PDE10A: variants seen among roughly 807,000 people sequenced by gnomAD.
PDE10A encodes phosphodiesterase 10A, also known as cAMP and cAMP-inhibited cGMP 3',5'-cyclic phosphodiesterase 10A.
Under a neutral mutation model 97.7 loss-of-function variants are expected in PDE10A, and 39 were observed. That is an observed-to-expected ratio of 0.40 (90% CI 0.31 to 0.52). The LOEUF is 0.52. PDE10A is among the 20% of genes least tolerant of loss of function. The pLI is 0.56. For missense variants in PDE10A, 731 were observed against 1,047.8 expected (o/e 0.70, Z 4.17); for synonymous variants, 371 against 376.8 (o/e 0.98, Z 0.18).
chr6:165,737,012 A>G (rs1188539907), intron 1 of PDE10A, among the ~76,000 whole-genome samples: 1 of 152,210 alleles, frequency 6.6e-6, no homozygotes, highest in Non-Finnish European at 1.5e-5. Flanking sequence ...AAAAACTACT[A>G]TTAAAATTAT....
rs543007014 is a variant in PDE10A, at chr6:165,362,256, T to C, written c.2783+16938A>G. 2.3e-4 allele frequency among the ~76,000 whole-genome samples: 35 copies of C among 152,228 alleles called. No individual in the cohort carries two copies. In the South Asian group the frequency reaches 7.0e-3, roughly 31 times the overall value. ...AATCAATGATACCAAAAGCTGGTTA[T>C]TTGAAAAGATCAACAAAACTGACAA... On this transcript the variant is annotated intron_variant, in intron 18 of 21. Coordinates refer to ENST00000539869, the MANE Select transcript of PDE10A (RefSeq NM_001385079.1).
intron 13 of PDE10A, among the ~76,000 whole-genome samples, chr6:165,411,775 T>C (rs1787861231): frequency 6.6e-6 from 1 of 152,170 alleles, no homozygotes; most frequent in Non-Finnish European, 1.5e-5. Flanking sequence ...ATAGTATCTA[T>C]TTAACAGAGA....
At chr6:165,777,366 C>T (rs1242246433) in intron 1 of PDE10A, among the ~76,000 whole-genome samples, 1 of 152,222 alleles carries the variant, frequency 6.6e-6, no homozygotes, top group Non-Finnish European at 1.5e-5. Flanking sequence ...GTGAATGATT[C>T]TTCTCCGCTT....
At chr6:165,739,582 A>AT (rs997095152) in intron 1 of PDE10A, among the ~76,000 whole-genome samples, 46 of 150,786 alleles carry the variant, frequency 3.1e-4, no homozygotes, top group African/African-American at 5.6e-4. Context: ...CTGGGCTATG[A>AT]TTTTTTTTTT....
Position 165,433,123 on chromosome 6 carries a change from G to C in PDE10A, c.1342C>G (p.Arg448Gly). ...LLVEDILGDE[R>G]FPRGTGLESG... ...TCCAGTCCAGTACCTCTTGGAAATC[G>C]TTCATCCTGAAAAACAAAAAGACAA... is the stretch of plus-strand genomic sequence containing the variant. Residue 448 changes from arginine (R) to glycine (G), a missense_variant, in exon 7 of 22, where the codon CGA (arginine) becomes GGA (glycine). Arg to Gly is a moderately radical substitution (Grantham distance 125). Transcript: ENST00000539869. The C allele has an allele frequency of 6.2e-7, 1 of 1,604,944 alleles. No homozygotes were observed. Among genetic ancestry groups the C allele is most frequent in the Non-Finnish European group, 8.5e-7 (1 of 1,174,908 alleles).
intron 1 of PDE10A, among the ~76,000 whole-genome samples, chr6:165,722,133 T>G (rs1456896189): frequency 6.6e-6 from 1 of 152,246 alleles, no homozygotes; most frequent in Non-Finnish European, 1.5e-5. Context: ...TACTTCTACC[T>G]GATTAATCTC....
chr6:165,832,216 G>A (rs933439710), intron 1 of PDE10A, among the ~76,000 whole-genome samples: 10 of 152,036 alleles, frequency 6.6e-5, no homozygotes, highest in African/African-American at 2.4e-4. Flanking sequence ...CTTAGTTCCT[G>A]TCACAAGCAA....
intron 1 of PDE10A, among the ~76,000 whole-genome samples, chr6:165,770,880 C>T (rs1175832223): frequency 1.3e-5 from 2 of 152,210 alleles, no homozygotes; most frequent in African/African-American, 4.8e-5. Context: ...CCACCTTGCA[C>T]GTGAGCACAC....
At chr6:165,342,181 A>AC (rs947333983) in intron 19 of PDE10A, among the ~76,000 whole-genome samples, 31 of 100,460 alleles carry the variant, frequency 3.1e-4, no homozygotes, top group African/African-American at 1.8e-3. Flanking sequence ...TGGCATACTT[A>AC]AATTTTTTAT....
In PDE10A at chr6:165,572,736, T is replaced by A. The variant is rs1223891309; in HGVS notation, c.866-29168A>T. ...AGCAACATGGTGAAACCCCGGAGGC[T>A]GAGGTGGGAGGATCACCTGAGCTCA... On this transcript the variant is annotated intron_variant, in intron 1 of 21. Transcript: ENST00000539869. 3.3e-5 allele frequency among the ~76,000 whole-genome samples: 5 copies of A among 152,294 alleles called. No homozygotes were observed. In the East Asian group the frequency reaches 9.7e-4, roughly 29 times the overall value.
At chr6:165,415,236 T>G (rs566759614) in intron 12 of PDE10A, among the ~76,000 whole-genome samples, 1 of 152,230 alleles carries the variant, frequency 6.6e-6, no homozygotes, top group Non-Finnish European at 1.5e-5. Flanking sequence ...AAAAAAACTT[T>G]CAGTGTACCC....
chr6:165,697,186 G>A (rs1209643242), intron 1 of PDE10A, among the ~76,000 whole-genome samples: 1 of 152,016 alleles, frequency 6.6e-6, no homozygotes, highest in Non-Finnish European at 1.5e-5. Flanking sequence ...ACCCCAAGTA[G>A]AATAAACTGA....
chr6:165,633,134 C>CTGAT (rs1156647655), intron 1 of PDE10A, among the ~76,000 whole-genome samples: 1 of 151,956 alleles, frequency 6.6e-6, no homozygotes, highest in Non-Finnish European at 1.5e-5. Flanking sequence ...TGATCTTGGT[C>CTGAT]TGATTGTAAC....
At chr6:165,772,801 T>A (rs1778051587) in intron 1 of PDE10A, among the ~76,000 whole-genome samples, 1 of 152,106 alleles carries the variant, frequency 6.6e-6, no homozygotes, top group South Asian at 2.1e-4. Flanking sequence ...AAAGACAGAA[T>A]AGTGTAGAAG....
intron 1 of PDE10A, among the ~76,000 whole-genome samples, chr6:165,864,438 G>A (rs1780985670): frequency 1.3e-5 from 2 of 152,154 alleles, no homozygotes; most frequent in East Asian, 1.9e-4. Context: ...ATGGGCAAAG[G>A]CCCTAACAGA....
chr6:165,355,689 A>C (rs566939393), intron 18 of PDE10A, among the ~76,000 whole-genome samples: 2 of 152,288 alleles, frequency 1.3e-5, no homozygotes, highest in East Asian at 3.9e-4. Context: ...GTGAAAGTAC[A>C]CTTTCATTCC....
chr6:165,633,879 A>T (rs1481147746), intron 1 of PDE10A, among the ~76,000 whole-genome samples: 3 of 152,146 alleles, frequency 2.0e-5, no homozygotes, highest in Admixed American at 2.0e-4. Flanking sequence ...TTTTTAAAAA[A>T]TTCCTATTTT....
rs1583280851 is a variant in PDE10A, at chr6:165,916,934, G to T, written c.-615+70595C>A. Among the ~76,000 whole-genome samples the T allele has an allele frequency of 2.0e-5, 3 of 152,164 alleles. No homozygotes were observed. In the East Asian group the frequency reaches 5.8e-4, roughly 29 times the overall value. ...CCTCGCCCAGACCCCATGCCAATGG[G>T]GTTTTCTGTGTTGGAGGCAGCAGAA... On this transcript the variant is annotated intron_variant, in intron 1 of 19. Transcript: ENST00000366882.
intron 1 of PDE10A, among the ~76,000 whole-genome samples, chr6:165,800,889 A>G (rs1332129512): frequency 6.6e-6 from 1 of 152,190 alleles, no homozygotes; most frequent in Non-Finnish European, 1.5e-5. Flanking sequence ...TTACGGTAAT[A>G]AGGAGGCCAC....
Sources: allele counts gnomAD v4.1 joint callset (sites outside exome capture counted in the v4.1 genomes callset), GRCh38; gene constraint gnomAD v4.1.1; transcripts MANE v1.5; gene names NCBI Gene and HGNC (gene_info 2026-07-23, HGNC 2026-07-21).